Variants in GSE1 observed in about 807,000 individuals in gnomAD.
The protein encoded by GSE1 is genetic suppressor element 1.
Under a neutral mutation model 112.6 loss-of-function variants are expected in GSE1, and 32 were observed. That is an observed-to-expected ratio of 0.28 (90% CI 0.21 to 0.38). The LOEUF (loss-of-function observed/expected upper bound fraction) is 0.38. Ranked by LOEUF, GSE1 falls within the 10% of genes least tolerant of loss-of-function variation. The pLI is 1.00. For missense variants in GSE1, 2,348 were observed against 1,699.2 expected (o/e 1.38, Z -6.71); for synonymous variants, 1,115 against 735.6 (o/e 1.52, Z -8.35).
intron 2 of GSE1, among the ~76,000 whole-genome samples, chr16:85,426,060 T>TGGAA (rs1555510023): frequency 0.037 from 5,063 of 137,830 alleles, 333 homozygotes; most frequent in African/African-American, 0.12. Flanking sequence ...GATGGATGGA[T>TGGAA]GGATGGATGG....
At chr16:85,429,038 C>A (rs919787475) in intron 2 of GSE1, among the ~76,000 whole-genome samples, 3 of 152,226 alleles carry the variant, frequency 2.0e-5, no homozygotes, top group African/African-American at 7.2e-5. Flanking sequence ...ACAACACGTG[C>A]ACATACATGG....
intron 1 of GSE1, among the ~76,000 whole-genome samples, chr16:85,582,778 AGC>A (rs1397290242): frequency 2.3e-4 from 35 of 152,148 alleles, no homozygotes; most frequent in Middle Eastern, 6.8e-3. Flanking sequence ...CACCCCTGAG[AGC>A]CTGTCTGCAC....
At position 85,441,588 on chromosome 16, in the gene GSE1, AG is replaced by A. The variant is rs531647265; in HGVS notation, c.2464+83946del. On this transcript the variant is annotated intron_variant, in intron 2 of 2. Transcript: ENST00000637419. Reference sequence around the variant, plus strand: ...CTTCAACCTGGGAGGCAGAGGTTGCAGTGAGCCAAGATCTCACCACTGCACT... The same window carrying A: ...CTTCAACCTGGGAGGCAGAGGTTGCATGAGCCAAGATCTCACCACTGCACT... Among the ~76,000 whole-genome samples, 390 of 152,352 alleles carry A rather than the reference AG, an allele frequency of 2.6e-3. 1 individual carries two copies. The highest frequency in any genetic ancestry group is 3.4e-3 in the Middle Eastern group (1 of 294).
chr16:85,567,391 A>C (rs1039666166), intron 1 of GSE1, among the ~76,000 whole-genome samples: 3 of 152,188 alleles, frequency 2.0e-5, no homozygotes, highest in Non-Finnish European at 4.4e-5. Flanking sequence ...TCAGCTGGGA[A>C]GACTGGGAGG....
At chr16:85,274,657 G>T (rs1909177905) in intron 1 of GSE1, among the ~76,000 whole-genome samples, 1 of 152,234 alleles carries the variant, frequency 6.6e-6, no homozygotes, top group Admixed American at 6.5e-5. Context: ...GCAGCTTAGT[G>T]TTAGCAGTGC....
intron 2 of GSE1, among the ~76,000 whole-genome samples, chr16:85,549,595 G>A (rs2044832333): frequency 6.6e-6 from 1 of 152,170 alleles, no homozygotes; most frequent in African/African-American, 2.4e-5. Context: ...CCCGTGGGTG[G>A]GGTGTGCCCT....
At chr16:85,384,248 A>G (rs558079541) in intron 2 of GSE1, among the ~76,000 whole-genome samples, 1 of 152,188 alleles carries the variant, frequency 6.6e-6, no homozygotes, top group East Asian at 1.9e-4. Flanking sequence ...GAGAGGAGCA[A>G]GAAACACACG....
intron 1 of GSE1, among the ~76,000 whole-genome samples, chr16:85,254,201 A>G (rs948637142): frequency 1.3e-5 from 2 of 152,312 alleles, no homozygotes; most frequent in African/African-American, 4.8e-5. Flanking sequence ...CAGAGAGGTC[A>G]AGTGACTAGC....
chr16:85,623,887 T>G (rs543358364), intron 1 of GSE1, among the ~76,000 whole-genome samples: 11 of 152,196 alleles, frequency 7.2e-5, no homozygotes, highest in Non-Finnish European at 1.6e-4. Context: ...CCAGCTCCTG[T>G]ACGGCCTGGT....
At chr16:85,570,360 G>T (rs2045934059) in intron 1 of GSE1, among the ~76,000 whole-genome samples, 2 of 152,216 alleles carry the variant, frequency 1.3e-5, no homozygotes, top group Admixed American at 6.5e-5. Flanking sequence ...CTCTGCCAGG[G>T]ATTCTCTGGG....
chr16:85,336,952 T>G (rs1029489223), intron 1 of GSE1, among the ~76,000 whole-genome samples: 1 of 152,184 alleles, frequency 6.6e-6, no homozygotes, highest in African/African-American at 2.4e-5. Flanking sequence ...GCACACATGC[T>G]TGTATACACA....
At position 85,300,684 on chromosome 16, in the gene GSE1, G is replaced by A. The variant is rs568416748; in HGVS notation, c.2284-56779G>A. The stretch of plus-strand genomic sequence containing the variant: ...CCGACCACGTTTTGTGTGTCCTTTC[G>A]TCTGCCAGGGTTCCACTTTGGAGCA... On this transcript the variant is annotated intron_variant, in intron 1 of 2. Transcript: ENST00000637419. Among the ~76,000 whole-genome samples, 8 of 152,256 alleles carry A rather than the reference G, an allele frequency of 5.3e-5. No homozygotes were observed. In the South Asian group the frequency reaches 8.3e-4, roughly 16 times the overall value.
chr16:85,602,369 T>C (rs2047504055), intron 1 of GSE1, among the ~76,000 whole-genome samples: 1 of 152,044 alleles, frequency 6.6e-6, no homozygotes, highest in Non-Finnish European at 1.5e-5. Context: ...TGGTAGAAAA[T>C]CAGGGAACAG....
chr16:85,293,863 C>T (rs59889254), intron 1 of GSE1, among the ~76,000 whole-genome samples: 75 of 152,286 alleles, frequency 4.9e-4, no homozygotes, highest in African/African-American at 1.8e-3. Flanking sequence ...GATGGGGACC[C>T]ACCTTAACCC....
intron 1 of GSE1, among the ~76,000 whole-genome samples, chr16:85,627,221 C>G (rs1252596616): frequency 6.6e-6 from 1 of 150,706 alleles, no homozygotes; most frequent in African/African-American, 2.4e-5. Context: ...CCAGACCTTT[C>G]CTGTCTGTGA....
intron 1 of GSE1, among the ~76,000 whole-genome samples, chr16:85,271,377 C>G (rs967926748): frequency 6.6e-6 from 1 of 152,164 alleles, no homozygotes; most frequent in East Asian, 1.9e-4. Flanking sequence ...TCCTCTCAGT[C>G]AGCTCCTTGG....
intron 2 of GSE1, among the ~76,000 whole-genome samples, chr16:85,467,225 C>T (rs766751059): frequency 1.3e-5 from 2 of 152,222 alleles, no homozygotes; most frequent in South Asian, 4.1e-4. Flanking sequence ...CCGGAGCGAG[C>T]CAGCCTGGGT....
chr16:85,647,792 G>A (rs572671144), intron 2 of GSE1, among the ~76,000 whole-genome samples: 7 of 152,236 alleles, frequency 4.6e-5, no homozygotes, highest in South Asian at 4.2e-4. Context: ...TCACCATGTT[G>A]GCCAGGATGG....
chr16:85,413,980 C>T (rs1478866519), intron 2 of GSE1, among the ~76,000 whole-genome samples: 3 of 152,208 alleles, frequency 2.0e-5, no homozygotes, highest in Non-Finnish European at 2.9e-5. Context: ...CCTTGCTTCT[C>T]TCTCACCTTC....
Sources: gnomAD v4.1 joint callset for allele counts (sites outside exome capture counted in the v4.1 genomes callset) on GRCh38, gnomAD v4.1.1 for gene constraint, MANE v1.5 for transcripts, NCBI Gene and HGNC (gene_info 2026-07-23, HGNC 2026-07-21) for gene names.